PHF20: variants seen among roughly 807,000 people sequenced by gnomAD.
PHF20 encodes PHD finger protein 20, also known as glioma-expressed antigen 2.
Under a neutral mutation model 113.5 loss-of-function variants are expected in PHF20, and 23 were observed. That is an observed-to-expected ratio of 0.20 (90% CI 0.15 to 0.29). The LOEUF (loss-of-function observed/expected upper bound fraction) is 0.29, where lower values mean the gene tolerates loss of function less well. Among genes scored for constraint, PHF20 ranks in the 10% least tolerant of loss-of-function variants. The pLI, the probability that PHF20 is intolerant of heterozygous loss-of-function variation, is 1.00. For missense variants in PHF20, 943 were observed against 1,219.6 expected (o/e 0.77, Z 3.38); for synonymous variants, 434 against 457.3 (o/e 0.95, Z 0.65).
chr20:35,772,662 C>A (rs1033296008), intron 1 of PHF20, among the ~76,000 whole-genome samples: 5 of 152,028 alleles, frequency 3.3e-5, no homozygotes, highest in Admixed American at 2.6e-4. Flanking sequence ...CCCTCCCCCC[C>A]CCAAATTTAG....
At chr20:35,784,433 C>CTTTTTTTTTTTTTT (rs35002007) in intron 1 of PHF20, among the ~76,000 whole-genome samples, 1 of 110,508 alleles carries the variant, frequency 9.0e-6, no homozygotes, top group Admixed American at 1.3e-4. Context: ...ATCCCAAAGA[C>CTTTTTTTTTTTTTT]TTTTTTTTTT....
At chr20:35,920,942 T>A (rs540761395) in intron 13 of PHF20, among the ~76,000 whole-genome samples, 19 of 152,358 alleles carry the variant, frequency 1.2e-4, no homozygotes, top group South Asian at 6.2e-4. Context: ...GTGTAACAGG[T>A]AACAGCAATA....
intron 1 of PHF20, among the ~76,000 whole-genome samples, chr20:35,781,674 G>A (rs6119649): frequency 0.88 from 133,544 of 152,184 alleles, 58,648 homozygotes; most frequent in East Asian, 0.92. Flanking sequence ...GCCGGGTCCA[G>A]TGGCTCATGC....
At position 35,917,591 on chromosome 20, in the gene PHF20, G is replaced by T; in HGVS notation, c.1933G>T (p.Asp645Tyr). Residue 645 changes from aspartate to tyrosine, a missense_variant, in exon 13 of 18, where the codon GAT becomes TAT. Coordinates refer to ENST00000374012, the MANE Select transcript of PHF20 (RefSeq NM_016436.5). ...CAACCCAGATGAGGAACTTGATGGG[G>T]ATGACCGCTATGACTTCGAGGTGGT... ...TTNPDEELDG[D>Y]DRYDFEVVRC... 3.1e-6 allele frequency: 5 copies of T among 1,614,134 alleles called. No individual in the cohort carries two copies. The highest frequency in any genetic ancestry group is 2.5e-6 in the Non-Finnish European group (3 of 1,180,006).
intron 1 of PHF20, among the ~76,000 whole-genome samples, chr20:35,791,109 A>G (rs2146847112): frequency 6.6e-6 from 1 of 152,252 alleles, no homozygotes; most frequent in South Asian, 2.1e-4. Context: ...CACCTGCCTC[A>G]GCCTCCCAAA....
At chr20:35,840,719 C>T (rs1406956399) in intron 2 of PHF20, among the ~76,000 whole-genome samples, 1 of 152,164 alleles carries the variant, frequency 6.6e-6, no homozygotes, top group Non-Finnish European at 1.5e-5. Context: ...GCTTGGCATA[C>T]TGAATCAGAA....
At chr20:35,835,828 G>A (rs1227883968) in intron 2 of PHF20, among the ~76,000 whole-genome samples, 4 of 152,056 alleles carry the variant, frequency 2.6e-5, no homozygotes, top group Non-Finnish European at 5.9e-5. Flanking sequence ...TACTGGGGAG[G>A]CTGAGGTGGG....
intron 5 of PHF20, among the ~76,000 whole-genome samples, chr20:35,861,716 A>G (rs1268503767): frequency 6.6e-6 from 1 of 152,120 alleles, no homozygotes; most frequent in Non-Finnish European, 1.5e-5. Flanking sequence ...CAAGAAGGGC[A>G]ATTTCAGTTT....
At chr20:35,921,529 A>T (rs1265928022) in intron 13 of PHF20, among the ~76,000 whole-genome samples, 1 of 151,950 alleles carries the variant, frequency 6.6e-6, no homozygotes, top group Non-Finnish European at 1.5e-5. Flanking sequence ...CAAAAAAATT[A>T]AAAAATTAGC....
rs541787447 is a variant in PHF20 at position 35,933,420 on chromosome 20, C to T, written c.2300+1976C>T. On this transcript the variant is annotated intron_variant, in intron 15 of 17. Coordinates refer to ENST00000374012, the MANE Select transcript of PHF20 (RefSeq NM_016436.5). ...GATAATTTTTTTTTTTTTTTGAGAC[C>T]GAGTCTCGCTCTGTCACCCAGGCTG... is the stretch of plus-strand genomic sequence containing the variant. 4.1e-5 allele frequency among the ~76,000 whole-genome samples: 6 copies of T among 146,124 alleles called. No homozygotes were observed. In the East Asian group the frequency reaches 6.0e-4, roughly 15 times the overall value.
chr20:35,885,671 A>C (rs1169633081), intron 9 of PHF20, among the ~76,000 whole-genome samples: 1 of 151,886 alleles, frequency 6.6e-6, no homozygotes, highest in Non-Finnish European at 1.5e-5. Flanking sequence ...TTTCAGGTGC[A>C]TTCTATCAGG....
intron 15 of PHF20, among the ~76,000 whole-genome samples, chr20:35,935,129 G>A (rs368808586): frequency 6.6e-6 from 1 of 152,022 alleles, no homozygotes; most frequent in South Asian, 2.1e-4. Context: ...ATAGGTGTAA[G>A]CCACTGTGTC....
intron 2 of PHF20, among the ~76,000 whole-genome samples, chr20:35,831,157 CTCCT>C (rs965699951): frequency 1.3e-5 from 2 of 151,066 alleles, no homozygotes; most frequent in African/African-American, 4.9e-5. Flanking sequence ...CCCTCCCTCC[CTCCT>C]TTCCTTCTCA....
intron 4 of PHF20, among the ~76,000 whole-genome samples, chr20:35,849,646 A>G (rs927052229): frequency 5.9e-5 from 9 of 152,178 alleles, no homozygotes; most frequent in Admixed American, 5.2e-4. Context: ...GGGAGCGACA[A>G]TGCTAGTCTC....
intron 2 of PHF20, among the ~76,000 whole-genome samples, chr20:35,827,292 G>T (rs6121059): frequency 0.012 from 1,832 of 152,318 alleles, 26 homozygotes; most frequent in African/African-American, 0.041. Context: ...GAAGTAAAAT[G>T]AGTGCTGTAT....
At chr20:35,901,869 G>GGACTCTCTTCAGGTCTCCAGACCT (rs2055104278) in intron 10 of PHF20, among the ~76,000 whole-genome samples, 1 of 152,132 alleles carries the variant, frequency 6.6e-6, no homozygotes, top group South Asian at 2.1e-4. Flanking sequence ...AGTCACTGTT[G>GGACTCTCTTCAGGTCTCCAGACCT]GACTCTCTTC....
intron 9 of PHF20, among the ~76,000 whole-genome samples, chr20:35,880,362 G>GCTT (rs1214462994): frequency 3.9e-5 from 6 of 152,118 alleles, no homozygotes; most frequent in African/African-American, 1.4e-4. Context: ...TTCCTGAAGT[G>GCTT]GGTTAAGGTG....
chr20:35,832,931 G>A (rs185804948), intron 2 of PHF20, among the ~76,000 whole-genome samples: 2 of 151,806 alleles, frequency 1.3e-5, no homozygotes, highest in East Asian at 3.9e-4. Flanking sequence ...GGCACCTGTA[G>A]TCCCAGCTAC....
At chr20:35,915,009 C>CAT (rs1213255230) in intron 12 of PHF20, among the ~76,000 whole-genome samples, 44 of 141,052 alleles carry the variant, frequency 3.1e-4, no homozygotes, top group African/African-American at 8.9e-4. Flanking sequence ...TATACATATA[C>CAT]ATATATATAT....
Sources: gnomAD v4.1 joint callset for allele counts (sites outside exome capture counted in the v4.1 genomes callset) on GRCh38, gnomAD v4.1.1 for gene constraint, MANE v1.5 for transcripts, NCBI Gene and HGNC (gene_info 2026-07-23, HGNC 2026-07-21) for gene names.